PTPN12: variants seen among roughly 807,000 people sequenced by gnomAD.
PTPN12 encodes the protein tyrosine-protein phosphatase non-receptor type 12.
A neutral mutation model predicts 97.6 loss-of-function variants in PTPN12; 29 were observed. The ratio of observed to expected loss-of-function variants is 0.30; its 90% CI spans 0.22 to 0.41. The LOEUF (loss-of-function observed/expected upper bound fraction) is 0.41, where lower values mean the gene tolerates loss of function less well. Among genes scored for constraint, PTPN12 ranks in the 10% least tolerant of loss-of-function variants. PTPN12 has a pLI of 1.00. For missense variants in PTPN12, 819 were observed against 926.0 expected (o/e 0.88, Z 1.50); for synonymous variants, 327 against 300.4 (o/e 1.09, Z -0.91).
rs1366059415 is a variant in PTPN12, at chr7:77,545,303, T to C, written c.99+7658T>C. ...ATCCAGTCCATTCAACACATCATAC[T>C]CACTTTCAAGTGGCAGCATCTGTAG... is the stretch of plus-strand genomic sequence containing the variant. On this transcript the variant is annotated intron_variant, in intron 1 of 17. Coordinates refer to ENST00000248594, the MANE Select transcript of PTPN12 (RefSeq NM_002835.4). 2.0e-5 allele frequency among the ~76,000 whole-genome samples: 3 copies of C among 152,126 alleles called. No homozygotes were observed. In the East Asian group the frequency reaches 5.8e-4, roughly 29 times the overall value.
chr7:77,537,989 G>T, intron 1 of PTPN12: 2 of 962,366 alleles, frequency 2.1e-6, no homozygotes, highest in Non-Finnish European at 2.5e-6. Flanking sequence ...GGGGGGGGGG[G>T]CTCGCGTTTC....
chr7:77,537,534 G>T lies in PTPN12; in HGVS notation c.-13G>T, dbSNP rs1452427491. On this transcript the variant is annotated 5_prime_UTR_variant, in exon 1 of 18. Coordinates refer to ENST00000248594, the MANE Select transcript of PTPN12 (RefSeq NM_002835.4). ...GGGGGGGCCAGCGACCGCAGCCGGG[G>T]GGACGCGGGAGGATGGAGCAAGTGG... The T allele has an allele frequency of 1.4e-5, 22 of 1,585,566 alleles. No individual in the cohort carries two copies. Among genetic ancestry groups the T allele is most frequent in the Admixed American group, 1.7e-5 (1 of 57,208 alleles).
rs112995142 is a variant in PTPN12 at position 77,627,488 on chromosome 7, T to A, written c.1809T>A (p.Ser603=). The A allele has an allele frequency of 6.2e-7, 1 of 1,613,852 alleles. No individual in the cohort carries two copies. The highest frequency in any genetic ancestry group is 1.3e-5 in the African/African-American group (1 of 75,036). The change falls in exon 13 of 18, where the codon TCT becomes TCA. Residue 603 remains serine, a synonymous_variant. Coordinates refer to ENST00000248594, the MANE Select transcript of PTPN12 (RefSeq NM_002835.4). ...TCAGTTTTACTAATCCACTTCACTCTGATGACTCAGACTCAGATGAAAGAA... is the reference window on the plus strand; with the variant it reads ...TCAGTTTTACTAATCCACTTCACTCAGATGACTCAGACTCAGATGAAAGAA... The part of the protein sequence containing the change: ...TPLSFTNPLH[S]DDSDSDERNS...
chr7:77,630,947 A>G (rs1187784575), intron 13 of PTPN12, among the ~76,000 whole-genome samples: 9 of 152,246 alleles, frequency 5.9e-5, no homozygotes, highest in African/African-American at 2.2e-4. Flanking sequence ...CTTAGAAAAT[A>G]AAAGTTTTTA....
intron 5 of PTPN12, among the ~76,000 whole-genome samples, chr7:77,588,411 T>G (rs1437025072): frequency 6.6e-6 from 1 of 152,124 alleles, no homozygotes; most frequent in African/African-American, 2.4e-5. Context: ...ACAACATCTG[T>G]TGATTAAGTT....
At chr7:77,565,553 C>T (rs956356119) in intron 1 of PTPN12, among the ~76,000 whole-genome samples, 1 of 152,180 alleles carries the variant, frequency 6.6e-6, no homozygotes, top group Admixed American at 6.5e-5. Flanking sequence ...ATAGACAGCT[C>T]TTTGACTCTG....
At chr7:77,555,193 C>T (rs59479685) in intron 1 of PTPN12, among the ~76,000 whole-genome samples, 32,949 of 150,298 alleles carry the variant, frequency 0.22, 4,626 homozygotes, top group East Asian at 0.7. Context: ...TTTTTTTCCT[C>T]TGGCTTTTTA....
intron 12 of PTPN12, 92 bp downstream of exon 12, chr7:77,618,657 CT>C: frequency 3.8e-6 from 3 of 798,266 alleles, no homozygotes. Context: ...TTCTAAATTA[CT>C]TTTATAACTT....
chr7:77,596,206 AC>A (rs1332116126), intron 6 of PTPN12, among the ~76,000 whole-genome samples: 2 of 151,984 alleles, frequency 1.3e-5, no homozygotes, highest in African/African-American at 4.8e-5. Flanking sequence ...AGTAAAACTT[AC>A]AAAAGCAAAT....
In PTPN12 at chr7:77,639,337, G is replaced by A. The variant is rs1180894778; in HGVS notation, c.*57G>A. On this transcript the variant is annotated 3_prime_UTR_variant, in exon 18 of 18. Transcript: ENST00000248594. Reference sequence around the variant, plus strand: ...CTGGAAAATTCAGGTGCCACTGAAAGCCAGATTTATAGTATTCCATCTTTA... The same window carrying A: ...CTGGAAAATTCAGGTGCCACTGAAAACCAGATTTATAGTATTCCATCTTTA... 3.6e-6 allele frequency: 5 copies of A among 1,389,626 alleles called. No individual in the cohort carries two copies. The highest frequency in any genetic ancestry group is 5.1e-6 in the Non-Finnish European group (5 of 984,164). 86.1% of individuals were successfully genotyped at this position (1,389,626 alleles called of 1,614,324 possible). A position where few individuals can be genotyped will look rare whatever the true frequency, so the allele number is the denominator to read the frequency against.
rs1584072641 is a variant in PTPN12, at chr7:77,537,405, A to G, written c.-142A>G. 9.3e-7 allele frequency: 1 copy of G among 1,069,714 alleles called. No homozygotes were observed. The highest frequency in any genetic ancestry group is 1.2e-6 in the Non-Finnish European group (1 of 853,706). The allele number at this position is 1,069,714 out of a possible 1,614,324, so 66.3% of individuals were successfully genotyped here. ...GCAGCCGCCGCCTAGGGCGGTGGGG[A>G]GGAGGAGGGAGCCGCGGGGCTTGGC... On this transcript the variant is annotated 5_prime_UTR_variant, in exon 1 of 18. Coordinates refer to ENST00000248594, the MANE Select transcript of PTPN12 (RefSeq NM_002835.4).
At chr7:77,538,922 G>C (rs893357556) in intron 1 of PTPN12, 6 of 152,032 alleles carry the variant, frequency 3.9e-5, no homozygotes, top group African/African-American at 1.5e-4. Context: ...GTTGGGAATG[G>C]GAAATAAGCT....
chr7:77,583,324 C>G lies in PTPN12; in HGVS notation c.286-231C>G, dbSNP rs551484114. Among the ~76,000 whole-genome samples, 935 of 152,204 alleles carry G rather than the reference C, an allele frequency of 6.1e-3. 5 individuals carry two copies. The highest frequency in any genetic ancestry group is 0.037 in the Middle Eastern group (11 of 294). On this transcript the variant is annotated intron_variant, in intron 3 of 17. Transcript: ENST00000248594. Reference sequence around the variant, plus strand: ...ATTAGCATAAGGCGGTTCTTAAATACCTATTCTGTGCACCATATCCAGTAA... The same window carrying G: ...ATTAGCATAAGGCGGTTCTTAAATAGCTATTCTGTGCACCATATCCAGTAA...
At chr7:77,627,697 C>A (rs1370329710) in intron 13 of PTPN12, 22 bp downstream of exon 13, 1 of 1,517,190 alleles carries the variant, frequency 6.6e-7, no homozygotes, top group Admixed American at 2.1e-5. Context: ...GTGTCAAATA[C>A]TTAAATGTCT....
Position 77,639,361 on chromosome 7 carries a change from T to C in PTPN12, c.*81T>C. ...AGCCAGATTTATAGTATTCCATCTTTAATATGTGGGACTAACAGCAGTGTA... is the reference window on the plus strand; with the variant it reads ...AGCCAGATTTATAGTATTCCATCTTCAATATGTGGGACTAACAGCAGTGTA... On this transcript the variant is annotated 3_prime_UTR_variant, in exon 18 of 18. Coordinates refer to ENST00000248594, the MANE Select transcript of PTPN12 (RefSeq NM_002835.4). 8.5e-7 allele frequency: 1 copy of C among 1,174,630 alleles called. No homozygotes were observed. The highest frequency in any genetic ancestry group is 1.2e-6 in the Non-Finnish European group (1 of 802,654). The allele number at this position is 1,174,630 out of a possible 1,614,324, so 72.8% of individuals were successfully genotyped here. A position where few individuals can be genotyped will look rare whatever the true frequency, so the allele number is the denominator to read the frequency against.
At chr7:77,594,778 A>G (rs1469904747) in intron 6 of PTPN12, among the ~76,000 whole-genome samples, 3 of 152,222 alleles carry the variant, frequency 2.0e-5, no homozygotes, top group African/African-American at 7.2e-5. Context: ...TACTAGGACT[A>G]CAGGCCACCA....
At chr7:77,620,777 G>A (rs958412775) in intron 12 of PTPN12, among the ~76,000 whole-genome samples, 7 of 151,246 alleles carry the variant, frequency 4.6e-5, no homozygotes, top group Non-Finnish European at 7.4e-5. Flanking sequence ...GTGAAACCCC[G>A]TCTCTACTAA....
At chr7:77,614,234 AAT>A (rs1400746920) in intron 11 of PTPN12, among the ~76,000 whole-genome samples, 2 of 152,168 alleles carry the variant, frequency 1.3e-5, no homozygotes, top group Admixed American at 6.6e-5. Context: ...ATCTCCAGAA[AAT>A]ATGTGATAAA....
At chr7:77,637,105 A>G (rs918615296) in intron 16 of PTPN12, 57 bp downstream of exon 16, 4 of 1,337,750 alleles carry the variant, frequency 3.0e-6, no homozygotes, top group Admixed American at 1.8e-5. Context: ...ATTAATTTCT[A>G]CAAAATAACA....
Sources: allele counts gnomAD v4.1 joint callset (sites outside exome capture counted in the v4.1 genomes callset), GRCh38; gene constraint gnomAD v4.1.1; transcripts MANE v1.5; gene names NCBI Gene and HGNC (gene_info 2026-07-23, HGNC 2026-07-21).